Variants in PARD3B observed in about 807,000 individuals in gnomAD.
PARD3B encodes partitioning defective 3 homolog B.
A neutral mutation model predicts 130.2 loss-of-function variants in PARD3B; 103 were observed. The ratio of observed to expected loss-of-function variants is 0.79; its 90% CI spans 0.67 to 0.93. PARD3B has a LOEUF of 0.93. PARD3B is among the 40% of genes least tolerant of loss of function. PARD3B has a pLI of 0.00. For missense variants in PARD3B, 1,609 were observed against 1,499.2 expected, an observed-to-expected ratio of 1.07 and a Z score of -1.21; for synonymous variants, 583 against 553.2, an observed-to-expected ratio of 1.05 and a Z score of -0.76.
intron 1 of PARD3B, among the ~76,000 whole-genome samples, chr2:204,553,527 G>T (rs2030625227): frequency 7.4e-6 from 1 of 135,848 alleles, no homozygotes; most frequent in Admixed American, 8.2e-5. Context: ...AGTGGGTAAA[G>T]AATCTGTGGG....
At chr2:204,895,436 C>A (rs1275145236) in intron 2 of PARD3B, among the ~76,000 whole-genome samples, 2 of 151,866 alleles carry the variant, frequency 1.3e-5, no homozygotes, top group Non-Finnish European at 2.9e-5. Context: ...ATGTTATAAC[C>A]CAGCCAAAGC....
chr2:205,323,778 T>C (rs2042840077), intron 18 of PARD3B, among the ~76,000 whole-genome samples: 1 of 152,204 alleles, frequency 6.6e-6, no homozygotes, highest in South Asian at 2.1e-4. Flanking sequence ...CAGGGACATC[T>C]TCGGGATAAA....
At chr2:205,508,990 T>C (rs2050485514) in intron 21 of PARD3B, among the ~76,000 whole-genome samples, 1 of 151,982 alleles carries the variant, frequency 6.6e-6, no homozygotes, top group East Asian at 1.9e-4. Flanking sequence ...TTAGTGGCTT[T>C]GGCCCTTTTA....
At position 205,558,208 on chromosome 2, in the gene PARD3B, C is replaced by G. The variant is rs1050857062; in HGVS notation, c.3260+4805C>G. Among the ~76,000 whole-genome samples, 1 of 152,156 alleles carries G rather than the reference C, an allele frequency of 6.6e-6. No individual in the cohort carries two copies. The highest frequency in any genetic ancestry group is 1.5e-5 in the Non-Finnish European group (1 of 68,020). ...CTAGGCAAGAGGCCAGGGCTCCTGT[C>G]CAGCAAGACTTGGGTGCAGGAGTAG... On this transcript the variant is annotated intron_variant, in intron 22 of 22. Coordinates refer to ENST00000406610, the MANE Select transcript of PARD3B (RefSeq NM_001302769.2). This position sits in a 1 kb window ranked among gnomAD's most constrained non-coding sequence, Gnocchi z 4.8.
At chr2:205,501,985 C>T (rs1290119664) in intron 21 of PARD3B, among the ~76,000 whole-genome samples, 1 of 152,076 alleles carries the variant, frequency 6.6e-6, no homozygotes, top group Non-Finnish European at 1.5e-5. Flanking sequence ...CCCAGACAAT[C>T]GGGGTCTGAG....
chr2:204,777,187 A>C (rs1489878931), intron 2 of PARD3B, among the ~76,000 whole-genome samples: 1 of 152,210 alleles, frequency 6.6e-6, no homozygotes, highest in East Asian at 1.9e-4. Flanking sequence ...AGTAGAGACC[A>C]AATAACTTTG....
chr2:204,862,053 G>A (rs1164381817), intron 2 of PARD3B, among the ~76,000 whole-genome samples: 3 of 151,816 alleles, frequency 2.0e-5, no homozygotes, highest in East Asian at 1.9e-4. Flanking sequence ...GGTAAAGAGG[G>A]TCTAAATCAT....
intron 4 of PARD3B, among the ~76,000 whole-genome samples, chr2:205,082,419 C>A (rs1701474040): frequency 6.6e-6 from 1 of 152,174 alleles, no homozygotes; most frequent in Non-Finnish European, 1.5e-5. Flanking sequence ...TGATAAAAGT[C>A]ATGGAAATGT....
At chr2:204,948,638 C>G (rs1381301558) in intron 2 of PARD3B, among the ~76,000 whole-genome samples, 1 of 152,166 alleles carries the variant, frequency 6.6e-6, no homozygotes, top group Non-Finnish European at 1.5e-5. Context: ...TTCTCCAGTT[C>G]CCCAGTATTT....
rs1299668814 is a variant in PARD3B at position 204,803,161 on chromosome 2, AAAAT to A, written c.222+116881_222+116884del. ...TGCTGAAGGAAAAAAAAAAAAAAAA[AAAAT>A]ATATATATATATATATAATCCTAGA... On this transcript the variant is annotated intron_variant, in intron 2 of 22. Transcript: ENST00000406610. 1.1e-4 allele frequency among the ~76,000 whole-genome samples: 13 copies of A among 120,020 alleles called. No homozygotes were observed. In the East Asian group the frequency reaches 1.8e-3, roughly 17 times the overall value. The allele number at this position is 120,020 out of a possible 152,430, so 78.7% of individuals were successfully genotyped here.
chr2:205,307,804 T>C (rs1343283260), intron 18 of PARD3B, among the ~76,000 whole-genome samples: 1 of 152,198 alleles, frequency 6.6e-6, no homozygotes, highest in African/African-American at 2.4e-5. Context: ...CCATTTTTTT[T>C]ATATAATAGC....
chr2:205,375,618 A>G (rs2045013011), intron 18 of PARD3B, among the ~76,000 whole-genome samples: 1 of 152,186 alleles, frequency 6.6e-6, no homozygotes, highest in South Asian at 2.1e-4. Context: ...CCCAGAGAAC[A>G]CAAGGGCCTG....
At chr2:204,937,528 G>A (rs1288624305) in intron 2 of PARD3B, among the ~76,000 whole-genome samples, 1 of 152,104 alleles carries the variant, frequency 6.6e-6, no homozygotes, top group Non-Finnish European at 1.5e-5. Flanking sequence ...TGCTCTATAA[G>A]CTCTTCAGTG....
chr2:205,261,091 T>G (rs2105762908), intron 16 of PARD3B, among the ~76,000 whole-genome samples: 1 of 152,304 alleles, frequency 6.6e-6, no homozygotes, highest in African/African-American at 2.4e-5. Context: ...GGATTTCCTT[T>G]AATTTCCTAT....
chr2:205,599,345 C>T (rs2054693171), intron 22 of PARD3B, among the ~76,000 whole-genome samples: 1 of 152,184 alleles, frequency 6.6e-6, no homozygotes, highest in Non-Finnish European at 1.5e-5. Context: ...AGCACTACAT[C>T]TAAAAAGTCT....
chr2:204,871,548 C>T lies in PARD3B; in HGVS notation c.223-93604C>T, dbSNP rs10172392. ...CACGTTATGTTTTGTATTTTTTAAA[C>T]TTGAAGTGCTAGAAAAGTAAATAAT... On this transcript the variant is annotated intron_variant, in intron 2 of 22. Transcript: ENST00000406610. Among the ~76,000 whole-genome samples, 979 of 152,220 alleles carry T rather than the reference C, an allele frequency of 6.4e-3. 13 individuals are homozygous for T. The highest frequency in any genetic ancestry group is 0.022 in the African/African-American group (924 of 41,548).
rs140576618 is a variant in PARD3B at position 205,132,097 on chromosome 2, C to A, written c.1434+6360C>A. ...TGCATGTAAAATGCTTACATTGGGC[C>A]ACAGAGAATGGGATTTAACAAATAT... On this transcript the variant is annotated intron_variant, in intron 10 of 22. Coordinates refer to ENST00000406610, the MANE Select transcript of PARD3B (RefSeq NM_001302769.2). Among the ~76,000 whole-genome samples the A allele has an allele frequency of 2.3e-3, 353 of 152,144 alleles. 2 individuals carry two copies. Among genetic ancestry groups the A allele is most frequent in the African/African-American group, 8.1e-3 (336 of 41,500 alleles).
At chr2:204,815,469 A>T (rs1366406518) in intron 2 of PARD3B, among the ~76,000 whole-genome samples, 1 of 151,926 alleles carries the variant, frequency 6.6e-6, no homozygotes, top group East Asian at 1.9e-4. Flanking sequence ...TTTTAAAAAA[A>T]TTCTCAACTA....
At position 204,623,682 on chromosome 2, in the gene PARD3B, CTT is replaced by C. The variant is rs148255497; in HGVS notation, c.121-62496_121-62495del. On this transcript the variant is annotated intron_variant, in intron 1 of 22. Transcript: ENST00000406610. This position sits in a 1 kb window ranked among gnomAD's most constrained non-coding sequence, Gnocchi z 4.5. Reference sequence around the variant, plus strand: ...TAACATGAGATCTGTCCTCTTAACACTTTTGAACACATTTTAAGTATATAATA... The same window carrying C: ...TAACATGAGATCTGTCCTCTTAACACTTGAACACATTTTAAGTATATAATA... Among the ~76,000 whole-genome samples, 14 of 152,196 alleles carry C rather than the reference CTT, an allele frequency of 9.2e-5. 1 individual carries two copies. The East Asian group carries it at 2.7e-3, about 29-fold the overall frequency.
Sources: allele counts gnomAD v4.1 joint callset (sites outside exome capture counted in the v4.1 genomes callset), GRCh38; gene constraint gnomAD v4.1.1; non-coding constraint Gnocchi (gnomAD v3.1); transcripts MANE v1.5; gene names NCBI Gene and HGNC (gene_info 2026-07-23, HGNC 2026-07-21).